PSCA: variants seen among roughly 807,000 people sequenced by gnomAD.
PSCA encodes prostate stem cell antigen.
Under a neutral mutation model 7.9 loss-of-function variants are expected in PSCA, and 7 were observed. The observed-to-expected ratio is 0.89, with a 90% confidence interval of 0.51 to 1.67. PSCA has a LOEUF of 1.67. PSCA is among the 40% of genes most tolerant of loss of function. PSCA has a pLI of 0.00. For synonymous variants in PSCA, 61 were observed against 68.3 expected, an observed-to-expected ratio of 0.89 and a Z score of 0.53; for missense variants, 151 against 147.9, an observed-to-expected ratio of 1.02 and a Z score of -0.11.
chr8:142,672,209 T>C (rs782191346), intron 1 of PSCA, among the ~76,000 whole-genome samples: 6 of 152,102 alleles, frequency 3.9e-5, no homozygotes, highest in Admixed American at 6.5e-5. Context: ...CCATCCCTCA[T>C]ATCCAGATCC....
chr8:142,680,308 G>GGC (rs1847446475), upstream of PSCA: 10 of 586,344 alleles, frequency 1.7e-5, no homozygotes, highest in Admixed American at 2.9e-5. Flanking sequence ...CCCTGGGTAG[G>GGC]CTCTGTCCTC....
upstream of PSCA, chr8:142,676,544 C>A (rs1847403532): frequency 6.6e-6 from 1 of 152,244 alleles, no homozygotes; most frequent in African/African-American, 2.4e-5. Context: ...GGGGTCGGAA[C>A]TGGGGCCTGA....
intron 1 of PSCA, among the ~76,000 whole-genome samples, chr8:142,671,911 C>G (rs1847336176): frequency 6.6e-6 from 1 of 152,186 alleles, no homozygotes; most frequent in South Asian, 2.1e-4. Flanking sequence ...CCCTCCCTTG[C>G]TGGTTCCTTA....
rs587763393 is a variant in PSCA, at chr8:142,671,601, T to C, written n.261+1033T>C. Reference sequence around the variant, plus strand: ...TAGGGTCTCACTCTGTTGCCCAGGCTGGAGTGCAGTGGTACATTCTCCTCA... The same window carrying C: ...TAGGGTCTCACTCTGTTGCCCAGGCCGGAGTGCAGTGGTACATTCTCCTCA... On this transcript the variant is annotated intron_variant and non_coding_transcript_variant, in intron 1 of 1. Transcript: ENST00000505305. 3.4e-3 allele frequency among the ~76,000 whole-genome samples: 524 copies of C among 152,348 alleles called. 9 individuals are homozygous for C. The highest frequency in any genetic ancestry group is 0.012 in the African/African-American group (486 of 41,572).
chr8:142,680,399 C>T (rs1456812694), upstream of PSCA: 9 of 1,000,468 alleles, frequency 9.0e-6, no homozygotes, highest in Non-Finnish European at 1.4e-5. Flanking sequence ...GCCCCGGGGC[C>T]CTCACTGGCT....
chr8:142,670,360 C>T (rs889560964), exon 1 of PSCA: 4 of 152,328 alleles, frequency 2.6e-5, no homozygotes, highest in Non-Finnish European at 4.4e-5. Context: ...CTGGGGCAGC[C>T]ACAGGCGCCC....
In PSCA at chr8:142,680,657, G is replaced by C. The variant is rs587650273; in HGVS notation, c.25+94G>C. The stretch of plus-strand genomic sequence containing the variant: ...GCAGGGCACACGGAGAGGAGGGGAA[G>C]GAAGGAGGAAGGGAGAGGAAGGGGG... On this transcript the variant is annotated intron_variant, in intron 1 of 2. Coordinates refer to ENST00000301258, the MANE Select transcript of PSCA (RefSeq NM_005672.5). 1.2e-5 allele frequency: 18 copies of C among 1,467,400 alleles called. No individual in the cohort carries two copies. In the African/African-American group the frequency reaches 2.5e-4, roughly 20 times the overall value. The allele number at this position is 1,467,400 out of a possible 1,614,324, so 90.9% of individuals were successfully genotyped here.
At position 142,673,072 on chromosome 8, in the gene PSCA, C is replaced by T. The variant is rs1554637512; in HGVS notation, n.261+2504C>T. On this transcript the variant is annotated intron_variant and non_coding_transcript_variant, in intron 1 of 1. Transcript: ENST00000505305. This position sits in a 1 kb window ranked among gnomAD's most constrained non-coding sequence, Gnocchi z 4.6. ...ATTGGCACAACTGCTGGCATTCACG[C>T]GTGCAAGCTTCCAGCTTGCTTGTCT... is the stretch of plus-strand genomic sequence containing the variant. Among the ~76,000 whole-genome samples the T allele has an allele frequency of 1.3e-5, 2 of 152,180 alleles. No individual in the cohort carries two copies. Among genetic ancestry groups the T allele is most frequent in the South Asian group, 2.1e-4 (1 of 4,832 alleles).
At position 142,682,366 on chromosome 8, in the gene PSCA, C is replaced by G; in HGVS notation, c.*234C>G. ...GACACAGATCCGCCTGCAGATGGCC[C>G]CTCCAACCCTCTCTGCTGCTGTTTC... On this transcript the variant is annotated 3_prime_UTR_variant, in exon 3 of 3. Transcript: ENST00000301258. 1 of 700,852 alleles carries G rather than the reference C, an allele frequency of 1.4e-6. No homozygotes were observed. Among genetic ancestry groups the G allele is most frequent in the East Asian group, 2.7e-5 (1 of 37,120 alleles). The allele number at this position is 700,852 out of a possible 1,614,324, so 43.4% of individuals were successfully genotyped here. A position where few individuals can be genotyped will look rare whatever the true frequency, so the allele number is the denominator to read the frequency against.
At chr8:142,680,682 G>A (rs185157692) in intron 1 of PSCA, 119 bp downstream of exon 1, 114 of 1,363,446 alleles carry the variant, frequency 8.4e-5, no homozygotes, top group Non-Finnish European at 1.0e-4. Context: ...GAGGAAGGGG[G>A]TGAGGCTCTT....
At chr8:142,671,436 C>G in intron 1 of PSCA, among the ~76,000 whole-genome samples, 1 of 152,176 alleles carries the variant, frequency 6.6e-6, no homozygotes, top group Non-Finnish European at 1.5e-5. Flanking sequence ...CTCATTGTGC[C>G]ATTAGACTTC....
intron 2 of PSCA, 75 bp from the exon 3 acceptor site, chr8:142,681,846 C>A: frequency 1.9e-6 from 2 of 1,048,436 alleles, no homozygotes; most frequent in Non-Finnish European, 2.8e-6. Context: ...CAGGGTGGGA[C>A]AGGAGGAGGC....
rs1847354989 is a variant in PSCA at position 142,673,143 on chromosome 8, A to C, written n.261+2575A>C. ...ACAGGCTGCTCTTTGTTAGAAAAGA[A>C]AATGATTTGGAGCCTGCTTTTCATT... On this transcript the variant is annotated intron_variant and non_coding_transcript_variant, in intron 1 of 1. Coordinates refer to the PSCA transcript ENST00000505305. The surrounding 1 kb of genome is among the most constrained non-coding windows in gnomAD (Gnocchi z 4.6). 6.6e-6 allele frequency among the ~76,000 whole-genome samples: 1 copy of C among 152,260 alleles called. No homozygotes were observed. Among genetic ancestry groups the C allele is most frequent in the South Asian group, 2.1e-4 (1 of 4,836 alleles).
chr8:142,674,986 G>A (rs1348297774), intron 1 of PSCA, among the ~76,000 whole-genome samples: 1 of 152,260 alleles, frequency 6.6e-6, no homozygotes, highest in Admixed American at 6.5e-5. Flanking sequence ...CCCCGTGCCT[G>A]CTATTCCCTC....
In PSCA at chr8:142,680,519, C is replaced by T; in HGVS notation, c.-20C>T. Reference sequence around the variant, plus strand: ...CACAGCCCACCAGTGACCACGAAGGCTGTGCTGCTTGCCCTGTTGATGGCA... The same window carrying T: ...CACAGCCCACCAGTGACCACGAAGGTTGTGCTGCTTGCCCTGTTGATGGCA... On this transcript the variant is annotated 5_prime_UTR_variant, in exon 1 of 3. Transcript: ENST00000301258. The T allele has an allele frequency of 6.4e-7, 1 of 1,553,464 alleles. No homozygotes were observed. The highest frequency in any genetic ancestry group is 8.7e-7 in the Non-Finnish European group (1 of 1,147,964).
At position 142,673,534 on chromosome 8, in the gene PSCA, A is replaced by AT. The variant is rs1554637537; in HGVS notation, n.261+2967dup. ...GATTTAGCAAGACAGGGGAATTGCC[A>AT]TAGAGAAAGAGTTTAATTCATGCAG... On this transcript the variant is annotated intron_variant and non_coding_transcript_variant, in intron 1 of 1. Transcript: ENST00000505305. This position sits in a 1 kb window ranked among gnomAD's most constrained non-coding sequence, Gnocchi z 4.6. Among the ~76,000 whole-genome samples the AT allele has an allele frequency of 6.6e-6, 1 of 152,244 alleles. No individual in the cohort carries two copies.
At chr8:142,677,006 C>A (rs1554637867), upstream of PSCA, among the ~76,000 whole-genome samples, 1 of 152,134 alleles carries the variant, frequency 6.6e-6, no homozygotes, top group African/African-American at 2.4e-5. Context: ...CGCCTGTGAC[C>A]AGGGTCAAAA....
chr8:142,679,442 T>C (rs1847436600), upstream of PSCA, among the ~76,000 whole-genome samples: 1 of 152,202 alleles, frequency 6.6e-6, no homozygotes, highest in Admixed American at 6.5e-5. Flanking sequence ...TGTAAAATAT[T>C]TGAAGACATT....
intron 1 of PSCA, among the ~76,000 whole-genome samples, chr8:142,671,784 G>A (rs1041642916): frequency 2.6e-5 from 4 of 152,166 alleles, no homozygotes; most frequent in Non-Finnish European, 4.4e-5. Context: ...GTGGACTCAA[G>A]CGATCCCAAA....
Sources: gnomAD v4.1 joint callset for allele counts (sites outside exome capture counted in the v4.1 genomes callset) on GRCh38, gnomAD v4.1.1 for gene constraint, Gnocchi (gnomAD v3.1) non-coding constraint, MANE v1.5 for transcripts, NCBI Gene and HGNC (gene_info 2026-07-23, HGNC 2026-07-21) for gene names.